Variants in LARP4B observed in about 807,000 individuals in gnomAD.
LARP4B encodes the protein La ribonucleoprotein 4B, also known as la-related protein 4B.
In LARP4B, 12 loss-of-function variants were observed where a neutral mutation model predicts 89.8. The ratio of observed to expected loss-of-function variants is 0.13; its 90% CI spans 0.09 to 0.22. The LOEUF is 0.22. LARP4B is among the 10% of genes least tolerant of loss of function. LARP4B has a pLI of 1.00. For missense variants in LARP4B, 757 were observed against 947.7 expected, an observed-to-expected ratio of 0.80 and a Z score of 2.64; for synonymous variants, 367 against 363.3, an observed-to-expected ratio of 1.01 and a Z score of -0.12.
At chr10:933,343 C>T (rs1830706649), upstream of LARP4B, among the ~76,000 whole-genome samples, 1 of 152,104 alleles carries the variant, frequency 6.6e-6, no homozygotes, top group African/African-American at 2.4e-5. Flanking sequence ...GCACTCTGAG[C>T]TCAGAGTGCT....
At position 843,008 on chromosome 10, in the gene LARP4B, T is replaced by G. The variant is rs146693848; in HGVS notation, c.570A>C (p.Pro190=). ...GGTCGAGGTTAGCCACCGTTGTGAT[T>G]GGCACATACTGGTCACTATCCATCT... ...ISQMDSDQYV[P]ITTVANLDHI... is the part of the protein sequence containing the mutation. The change falls in exon 7 of 18, where the codon CCA becomes CCC. Residue 190 remains proline, a synonymous_variant. Coordinates refer to ENST00000316157, the MANE Select transcript of LARP4B (RefSeq NM_015155.3). The G allele has an allele frequency of 2.5e-4, 397 of 1,613,934 alleles. 1 individual carries two copies. The highest frequency in any genetic ancestry group is 5.3e-5 in the Non-Finnish European group (63 of 1,179,874).
rs1461331298 is a variant in LARP4B at position 837,970 on chromosome 10, C to T, written c.647-1464G>A. Among the ~76,000 whole-genome samples, 8 of 152,114 alleles carry T rather than the reference C, an allele frequency of 5.3e-5. No homozygotes were observed. The South Asian group carries it at 1.7e-3, about 32-fold the overall frequency. On this transcript the variant is annotated intron_variant, in intron 7 of 17. Coordinates refer to ENST00000316157, the MANE Select transcript of LARP4B (RefSeq NM_015155.3). ...AAAAAACAGCTGTACACTTAGAGAG[C>T]ATATTTGTAAATCACGTGTAATACA... is the stretch of plus-strand genomic sequence containing the variant.
At chr10:850,478 CG>C (rs1564404985) in intron 5 of LARP4B, among the ~76,000 whole-genome samples, 3 of 152,208 alleles carry the variant, frequency 2.0e-5, no homozygotes, top group Admixed American at 2.0e-4. Flanking sequence ...CTTCAAAATA[CG>C]TGAAGCAAAA....
At chr10:966,576 G>A in the LARP4B span, among the ~76,000 whole-genome samples, 2 of 152,252 alleles carry the variant, frequency 1.3e-5, no homozygotes, top group East Asian at 3.8e-4. Context: ...GAAGGCTGGT[G>A]GAGCTGCAGG....
chr10:893,204 A>G (rs952760171), intron 1 of LARP4B, among the ~76,000 whole-genome samples: 3 of 152,028 alleles, frequency 2.0e-5, no homozygotes, highest in African/African-American at 7.2e-5. Flanking sequence ...GTGAGCCACT[A>G]CTGTGCCTGG....
intron 11 of LARP4B, among the ~76,000 whole-genome samples, chr10:827,841 A>T (rs912609009): frequency 2.6e-5 from 4 of 152,226 alleles, no homozygotes; most frequent in African/African-American, 9.7e-5. Flanking sequence ...GCTTTTGGGA[A>T]AACGAAGTAT....
chr10:924,297 A>C (rs1219007851), intron 1 of LARP4B: 1 of 152,228 alleles, frequency 6.6e-6, no homozygotes, highest in Admixed American at 6.5e-5. Flanking sequence ...AGGGATTTTA[A>C]GGAAGCTGGC....
At chr10:879,914 C>T (rs976755619) in intron 3 of LARP4B, among the ~76,000 whole-genome samples, 2 of 152,122 alleles carry the variant, frequency 1.3e-5, no homozygotes, top group Non-Finnish European at 2.9e-5. Context: ...GCTGGGATTA[C>T]AGGCGTGCAC....
chr10:933,830 G>A (rs1027020005), upstream of LARP4B, among the ~76,000 whole-genome samples: 1 of 151,420 alleles, frequency 6.6e-6, no homozygotes, highest in African/African-American at 2.4e-5. Flanking sequence ...AAATTGGTAG[G>A]TTAAACTTTT....
chr10:833,723 C>A (rs1000449895), intron 8 of LARP4B, among the ~76,000 whole-genome samples: 3 of 152,038 alleles, frequency 2.0e-5, no homozygotes, highest in Admixed American at 2.0e-4. Flanking sequence ...AACTCTGTCT[C>A]TACTAAAAGT....
the LARP4B span, among the ~76,000 whole-genome samples, chr10:950,370 T>C: frequency 6.6e-6 from 1 of 152,376 alleles, no homozygotes; most frequent in Middle Eastern, 3.4e-3. Flanking sequence ...CTGTTTATTT[T>C]CTAAAAGGTT....
At chr10:967,277 A>G in the LARP4B span, among the ~76,000 whole-genome samples, 1 of 152,244 alleles carries the variant, frequency 6.6e-6, no homozygotes, top group Non-Finnish European at 1.5e-5. Context: ...TAAAAATGCT[A>G]GAATTTACAT....
At chr10:892,744 T>A (rs560956992) in intron 1 of LARP4B, among the ~76,000 whole-genome samples, 44 of 152,006 alleles carry the variant, frequency 2.9e-4, no homozygotes, top group Admixed American at 5.2e-4. Flanking sequence ...TTTCACCGTG[T>A]TAGCCAGGAT....
the LARP4B span, among the ~76,000 whole-genome samples, chr10:940,331 T>G: frequency 6.6e-6 from 1 of 152,204 alleles, no homozygotes; most frequent in African/African-American, 2.4e-5. Flanking sequence ...TTTTTATATT[T>G]TTAGCAGAGA....
At chr10:887,746 G>T (rs1436475565) in intron 1 of LARP4B, among the ~76,000 whole-genome samples, 1 of 150,866 alleles carries the variant, frequency 6.6e-6, no homozygotes, top group Non-Finnish European at 1.5e-5. Context: ...AAAACTGGCA[G>T]GGTGCAGTGG....
chr10:890,047 C>T (rs1835971386), intron 1 of LARP4B, among the ~76,000 whole-genome samples: 1 of 152,146 alleles, frequency 6.6e-6, no homozygotes, highest in Non-Finnish European at 1.5e-5. Context: ...ACACTGCTTC[C>T]CAAACAAGAT....
At chr10:855,277 CTGTT>C (rs1834246205) in intron 5 of LARP4B, among the ~76,000 whole-genome samples, 2 of 152,318 alleles carry the variant, frequency 1.3e-5, no homozygotes, top group East Asian at 1.9e-4. Flanking sequence ...GCTTGGTTAA[CTGTT>C]TGGCTCCAGA....
rs145450206 is a variant in LARP4B at position 814,982 on chromosome 10, G to A, written c.1784C>T (p.Thr595Met). 126 of 1,607,380 alleles carry A rather than the reference G, an allele frequency of 7.8e-5. 1 individual carries two copies. In the East Asian group the frequency reaches 1.5e-3, roughly 19 times the overall value. Residue 595 changes from threonine (T) to methionine (M), a missense_variant, in exon 16 of 18, where the codon ACG (threonine) becomes ATG (methionine). Transcript: ENST00000316157. The surrounding 1 kb of genome is among the most constrained non-coding windows in gnomAD (Gnocchi z 4.4). ...AGCTGGGGAGGGGGATCGCTCGTACGTTGCTGATACAGCACAAGAAGCCGG... is the reference window on the plus strand; with the variant it reads ...AGCTGGGGAGGGGGATCGCTCGTACATTGCTGATACAGCACAAGAAGCCGG... Reference protein sequence around the residue: ...SVPASCAVSATYERSPSPAHL... With the variant: ...SVPASCAVSAMYERSPSPAHL...
intron 5 of LARP4B, among the ~76,000 whole-genome samples, chr10:856,407 T>TA (rs1017314543): frequency 1.3e-5 from 2 of 152,300 alleles, no homozygotes; most frequent in Non-Finnish European, 2.9e-5. Context: ...GTCTGACAAG[T>TA]AAAAAATCTA....
Sources: gnomAD v4.1 joint callset for allele counts (sites outside exome capture counted in the v4.1 genomes callset) on GRCh38, gnomAD v4.1.1 for gene constraint, Gnocchi (gnomAD v3.1) non-coding constraint, MANE v1.5 for transcripts, NCBI Gene and HGNC (gene_info 2026-07-23, HGNC 2026-07-21) for gene names.